The following KCNT2 variants were observed in gnomAD, a reference collection of about 807,000 sequenced individuals.
KCNT2 encodes potassium sodium-activated channel subfamily T member 2.
KCNT2 carries 67 observed loss-of-function variants against 153.8 expected under a neutral mutation model. The ratio of observed to expected loss-of-function variants is 0.44; its 90% confidence interval spans 0.36 to 0.53. The LOEUF (loss-of-function observed/expected upper bound fraction) is 0.53. Ranked by LOEUF, KCNT2 falls within the 20% of genes least tolerant of loss-of-function variation. The pLI, the probability that KCNT2 is intolerant of heterozygous loss-of-function variation, is 0.00. For missense variants in KCNT2, 975 were observed against 1,354.8 expected, an observed-to-expected ratio of 0.72 and a Z score of 4.40; for synonymous variants, 500 against 458.8, an observed-to-expected ratio of 1.09 and a Z score of -1.15.
intron 8 of KCNT2, among the ~76,000 whole-genome samples, chr1:196,455,069 C>T (rs1676542257): frequency 6.6e-6 from 1 of 151,980 alleles, no homozygotes; most frequent in African/African-American, 2.4e-5. Flanking sequence ...TCTTCAGCTT[C>T]AAAGCTGGAA....
intron 22 of KCNT2, among the ~76,000 whole-genome samples, chr1:196,303,484 A>G (rs1661369966): frequency 6.6e-6 from 1 of 152,160 alleles, no homozygotes; most frequent in South Asian, 2.1e-4. Context: ...TACCTTCCAC[A>G]ATTATGACCT....
intron 1 of KCNT2, among the ~76,000 whole-genome samples, chr1:196,579,119 T>C (rs1358916362): frequency 6.6e-6 from 1 of 152,166 alleles, no homozygotes; most frequent in Non-Finnish European, 1.5e-5. Flanking sequence ...CTGCACAACG[T>C]ATGGGTTTGG....
intron 1 of KCNT2, among the ~76,000 whole-genome samples, chr1:196,565,914 T>C (rs899699502): frequency 6.6e-6 from 1 of 151,772 alleles, no homozygotes; most frequent in South Asian, 2.1e-4. Flanking sequence ...AACACAGTAA[T>C]TGTAGTTAAT....
At chr1:196,580,879 A>G (rs1397121470) in intron 1 of KCNT2, among the ~76,000 whole-genome samples, 1 of 152,154 alleles carries the variant, frequency 6.6e-6, no homozygotes, top group Non-Finnish European at 1.5e-5. Flanking sequence ...GGAAAAGCTG[A>G]CAAGGTGAAG....
intron 14 of KCNT2, among the ~76,000 whole-genome samples, chr1:196,348,754 G>A (rs1358133804): frequency 1.3e-5 from 2 of 152,062 alleles, no homozygotes; most frequent in Non-Finnish European, 2.9e-5. Flanking sequence ...GGCCAGGCAC[G>A]GTGGCTCACG....
At chr1:196,596,313 T>A (rs923362087) in intron 1 of KCNT2, among the ~76,000 whole-genome samples, 33 of 152,230 alleles carry the variant, frequency 2.2e-4, no homozygotes, top group African/African-American at 8.0e-4. Context: ...CACACTGTTT[T>A]CCACAGTGGT....
intron 1 of KCNT2, among the ~76,000 whole-genome samples, chr1:196,510,054 CA>C (rs1451812421): frequency 6.6e-6 from 1 of 151,686 alleles, no homozygotes; most frequent in East Asian, 1.9e-4. Context: ...ATTTAAGCAA[CA>C]GCAAGAATAA....
intron 20 of KCNT2, among the ~76,000 whole-genome samples, chr1:196,317,896 G>A (rs1292079242): frequency 1.3e-5 from 2 of 151,550 alleles, no homozygotes; most frequent in African/African-American, 2.4e-5. Context: ...TATATAGAAA[G>A]TAGATAAATT....
At chr1:196,576,112 A>G (rs1424983254) in intron 1 of KCNT2, among the ~76,000 whole-genome samples, 3 of 150,840 alleles carry the variant, frequency 2.0e-5, no homozygotes, top group African/African-American at 7.4e-5. Context: ...GTGTGTGTAT[A>G]TATATATCCT....
At chr1:196,338,252 G>T (rs928835513) in intron 16 of KCNT2, among the ~76,000 whole-genome samples, 1 of 151,940 alleles carries the variant, frequency 6.6e-6, no homozygotes, top group Non-Finnish European at 1.5e-5. Flanking sequence ...ATGTTTTAAG[G>T]CCCATTGGTG....
intron 13 of KCNT2, among the ~76,000 whole-genome samples, chr1:196,392,351 A>G (rs190764687): frequency 6.6e-6 from 1 of 151,458 alleles, no homozygotes; most frequent in East Asian, 2.0e-4. Flanking sequence ...GATAATAAAA[A>G]AAATCAAAGA....
intron 27 of KCNT2, 30 bp from the exon 28 acceptor site, chr1:196,228,365 T>A: frequency 8.4e-7 from 1 of 1,193,278 alleles, no homozygotes; most frequent in Non-Finnish European, 1.2e-6. Context: ...TAAATAACTT[T>A]GCAATAGTAA....
chr1:196,537,039 C>G, intron 1 of KCNT2, among the ~76,000 whole-genome samples: 1 of 152,196 alleles, frequency 6.6e-6, no homozygotes, highest in East Asian at 1.9e-4. Context: ...AGGCCTCAGC[C>G]AAAACTACCT....
intron 1 of KCNT2, among the ~76,000 whole-genome samples, chr1:196,573,183 G>C (rs987122553): frequency 5.9e-5 from 9 of 152,050 alleles, no homozygotes; most frequent in African/African-American, 1.7e-4. Context: ...AAAAATATGA[G>C]AGTTATGGCT....
chr1:196,512,405 T>A (rs1272414221), intron 1 of KCNT2, among the ~76,000 whole-genome samples: 1 of 152,136 alleles, frequency 6.6e-6, no homozygotes, highest in African/African-American at 2.4e-5. Flanking sequence ...TCTACTTGGA[T>A]CTCTATCAGA....
chr1:196,251,907 A>G (rs952396149), intron 26 of KCNT2, among the ~76,000 whole-genome samples: 2 of 151,890 alleles, frequency 1.3e-5, no homozygotes, highest in Admixed American at 6.6e-5. Context: ...AAAATTAAAA[A>G]ATTTAAAAAT....
intron 12 of KCNT2, among the ~76,000 whole-genome samples, chr1:196,411,063 T>C (rs1463744371): frequency 0.071 from 39 of 548 alleles, no homozygotes; most frequent in African/African-American, 0.1. Context: ...TATTCCCTCC[T>C]TCCTTCCTTC....
intron 26 of KCNT2, among the ~76,000 whole-genome samples, chr1:196,250,760 TCAAA>T (rs1655892056): frequency 6.6e-6 from 1 of 151,420 alleles, no homozygotes; most frequent in South Asian, 2.1e-4. Flanking sequence ...TGTAAGGAGC[TCAAA>T]CAACTTTATG....
At chr1:196,528,756 T>C (rs1654572241) in intron 1 of KCNT2, among the ~76,000 whole-genome samples, 1 of 152,138 alleles carries the variant, frequency 6.6e-6, no homozygotes. Context: ...CCTTGATTGG[T>C]GACATCAATG....
Sources: gnomAD v4.1 joint callset for allele counts (sites outside exome capture counted in the v4.1 genomes callset) on GRCh38, gnomAD v4.1.1 for gene constraint, MANE v1.5 for transcripts, NCBI Gene and HGNC (gene_info 2026-07-23, HGNC 2026-07-21) for gene names.